NINL: variants seen among roughly 807,000 people sequenced by gnomAD.
NINL encodes ninein-like protein.
A neutral mutation model predicts 160.3 loss-of-function variants in NINL; 153 were observed. The observed-to-expected ratio is 0.95, with a 90% CI of 0.84 to 1.09. NINL has a LOEUF of 1.09. NINL is among the 50% of genes least tolerant of loss of function. The probability of loss-of-function intolerance (pLI) is 0.00; values close to 1 mark genes in which losing one functional copy is unlikely to be tolerated. For synonymous variants in NINL, 800 were observed against 734.8 expected (o/e 1.09, Z -1.43); for missense variants, 1,829 against 1,764.0 (o/e 1.04, Z -0.66).
rs538618050 is a variant in NINL, at chr20:25,492,958, C to T, written c.1311-1433G>A. 2.5e-3 allele frequency among the ~76,000 whole-genome samples: 374 copies of T among 152,098 alleles called. 1 individual carries two copies. Among genetic ancestry groups the T allele is most frequent in the Non-Finnish European group, 3.9e-3 (268 of 67,994 alleles). The stretch of plus-strand genomic sequence containing the variant: ...AATAATAAAAGCTACTTACAGAAAC[C>T]TACTCATAACTCCCATTGCTCATGG... On this transcript the variant is annotated intron_variant, in intron 10 of 23. Coordinates refer to ENST00000278886, the MANE Select transcript of NINL (RefSeq NM_025176.6).
intron 5 of NINL, 122 bp downstream of exon 5, chr20:25,510,552 C>A: frequency 1.1e-6 from 1 of 869,970 alleles, no homozygotes. Flanking sequence ...GGGACACAAC[C>A]CACCCCATGC....
intron 1 of NINL, among the ~76,000 whole-genome samples, chr20:25,564,526 C>T (rs1361238813): frequency 6.6e-6 from 1 of 152,170 alleles, no homozygotes; most frequent in Non-Finnish European, 1.5e-5. Flanking sequence ...CCATGTTGGT[C>T]AGGCTGGTCT....
At position 25,526,582 on chromosome 20, in the gene NINL, A is replaced by G. The variant is rs749721614; in HGVS notation, c.6T>C (p.Asp2=). Residue 2 remains aspartate (D), a synonymous_variant, in exon 2 of 24, where the codon GAT becomes GAC. Transcript: ENST00000278886. M[D]EEENHYVSQL... ...GCGAGACATAGTGGTTCTCTTCTTC[A>G]TCCATCCCATAGCAGGCTGGCAGTG... 1.4e-5 allele frequency: 23 copies of G among 1,613,726 alleles called. No individual in the cohort carries two copies. The highest frequency in any genetic ancestry group is 1.9e-5 in the Non-Finnish European group (23 of 1,179,656).
intron 3 of NINL, among the ~76,000 whole-genome samples, chr20:25,516,470 G>T (rs1443778796): frequency 6.6e-6 from 1 of 152,188 alleles, no homozygotes; most frequent in African/African-American, 2.4e-5. Flanking sequence ...CTGACAACAT[G>T]TCCCACAGGT....
rs778704079 is a variant in NINL, at chr20:25,509,643, C to T, written c.517+1031G>A. The T allele has an allele frequency of 6.6e-6, 3 of 456,612 alleles. No individual in the cohort carries two copies. In the East Asian group the frequency reaches 2.1e-4, roughly 32 times the overall value. The allele number at this position is 456,612 out of a possible 1,614,324, so 28.3% of individuals were successfully genotyped here. ...TAGTTCCTTAGAGCTCAGCGTCTGG[C>T]CACCACACTGATCCTCTCACACCCA... On this transcript the variant is annotated intron_variant, in intron 5 of 23. Transcript: ENST00000278886.
At chr20:25,557,602 A>T (rs1456784858) in intron 1 of NINL, among the ~76,000 whole-genome samples, 1 of 152,130 alleles carries the variant, frequency 6.6e-6, no homozygotes, top group Non-Finnish European at 1.5e-5. Context: ...TTATAGTGAT[A>T]ATTCAACACA....
At chr20:25,514,829 T>A (rs962381447) in intron 3 of NINL, among the ~76,000 whole-genome samples, 1 of 152,212 alleles carries the variant, frequency 6.6e-6, no homozygotes, top group Admixed American at 6.5e-5. Context: ...TAAGCCTTGG[T>A]GACTACCATG....
chr20:25,545,179 T>A (rs1392292069), intron 1 of NINL, among the ~76,000 whole-genome samples: 1 of 152,192 alleles, frequency 6.6e-6, no homozygotes, highest in African/African-American at 2.4e-5. Context: ...AGTAAGGGAA[T>A]GGTTCTATTC....
chr20:25,482,046 G>A lies in NINL; in HGVS notation c.1732C>T (p.Arg578Trp), dbSNP rs142777399. The change falls in exon 14 of 24, where the codon CGG (arginine) becomes TGG (tryptophan). Residue 578 changes from arginine to tryptophan, a missense_variant. Transcript: ENST00000278886. ...GGGCTGTGCCGGTTCTTGGGCAGCC[G>A]CGCCCACAGGCCTTCCAGCTCAGCT... is the stretch of plus-strand genomic sequence containing the variant. Reference protein sequence around the residue: ...LQAELEGLWARLPKNRHSPSW... With the variant: ...LQAELEGLWAWLPKNRHSPSW... The A allele has an allele frequency of 4.8e-5, 76 of 1,598,412 alleles. No homozygotes were observed. Among genetic ancestry groups the A allele is most frequent in the South Asian group, 1.9e-4 (17 of 91,042 alleles).
intron 1 of NINL, among the ~76,000 whole-genome samples, chr20:25,563,761 G>GA (rs764671706): frequency 1.8e-3 from 270 of 152,224 alleles, no homozygotes; most frequent in Non-Finnish European, 3.4e-3. Flanking sequence ...ATGGAGTAAA[G>GA]AAAATTACCA....
intron 1 of NINL, among the ~76,000 whole-genome samples, chr20:25,552,637 C>G (rs2064818829): frequency 6.6e-6 from 1 of 152,218 alleles, no homozygotes; most frequent in Non-Finnish European, 1.5e-5. Context: ...AGCATTTGGT[C>G]AAGCCCTGAA....
At position 25,453,589 on chromosome 20, in the gene NINL, G is replaced by A. The variant is rs367640910; in HGVS notation, c.4011C>T (p.Asn1337=). Residue 1337 remains asparagine, a synonymous_variant, in exon 24 of 24, where the codon AAC becomes AAT. Coordinates refer to ENST00000278886, the MANE Select transcript of NINL (RefSeq NM_025176.6). The stretch of plus-strand genomic sequence containing the variant: ...CCTGAAGTGCTCTCACCAGGTGGGC[G>A]TTCTCCACGTACAGCTCCTTCAGCA... ...DLLLKELYVE[N]AHLVRALQAT... The A allele has an allele frequency of 4.8e-5, 77 of 1,613,758 alleles. No individual in the cohort carries two copies. The African/African-American group carries it at 7.1e-4, about 15-fold the overall frequency.
intron 5 of NINL, among the ~76,000 whole-genome samples, chr20:25,508,132 T>C (rs1388250040): frequency 5.3e-5 from 8 of 152,232 alleles, no homozygotes; most frequent in Non-Finnish European, 1.2e-4. Flanking sequence ...ATCTGCCTGC[T>C]TTGTCCAGCA....
intron 1 of NINL, among the ~76,000 whole-genome samples, chr20:25,557,030 G>C (rs2064874863): frequency 6.6e-6 from 1 of 152,078 alleles, no homozygotes; most frequent in Non-Finnish European, 1.5e-5. Flanking sequence ...CAGGTACAGG[G>C]TTTCTTTTGG....
chr20:25,465,678 G>T (rs2062896214), intron 19 of NINL, among the ~76,000 whole-genome samples: 1 of 152,176 alleles, frequency 6.6e-6, no homozygotes, highest in African/African-American at 2.4e-5. Flanking sequence ...TCAACGCTGT[G>T]TTTGTCTGAA....
At chr20:25,579,107 G>T (rs750677636) in intron 1 of NINL, among the ~76,000 whole-genome samples, 3 of 152,168 alleles carry the variant, frequency 2.0e-5, no homozygotes, top group Non-Finnish European at 4.4e-5. Flanking sequence ...TCATCTTCTT[G>T]TTAAGGTAAA....
chr20:25,495,356 G>A (rs1024020211), intron 10 of NINL, among the ~76,000 whole-genome samples: 3 of 152,172 alleles, frequency 2.0e-5, no homozygotes, highest in Admixed American at 2.0e-4. Context: ...TCCCTGGAGG[G>A]TGCCACACCA....
At chr20:25,510,390 AC>A (rs1215083052) in intron 5 of NINL, among the ~76,000 whole-genome samples, 3 of 152,318 alleles carry the variant, frequency 2.0e-5, no homozygotes, top group Non-Finnish European at 4.4e-5. Flanking sequence ...TCACATCAGT[AC>A]TTGCAGACCA....
rs1026630565 is a variant in NINL, at chr20:25,462,505, C to G, written c.3460G>C (p.Val1154Leu). The change falls in exon 20 of 24, where the codon GTC (valine) becomes CTC (leucine). Residue 1154 changes from valine to leucine, a missense_variant. By Grantham distance (32) the Val-to-Leu change is conservative. Transcript: ENST00000278886. ...NYKDQLSQLN[V>L]RVLQLGQEAS... ...TCCTGTCCCAGTTGAAGAACCCTGA[C>G]ATTGAGCTGGGATAATTGATCCTTG... 2 of 1,614,058 alleles carry G rather than the reference C, an allele frequency of 1.2e-6. No individual in the cohort carries two copies. Among genetic ancestry groups the G allele is most frequent in the African/African-American group, 2.7e-5 (2 of 74,938 alleles).
Sources: allele counts gnomAD v4.1 joint callset (sites outside exome capture counted in the v4.1 genomes callset), GRCh38; gene constraint gnomAD v4.1.1; transcripts MANE v1.5; gene names NCBI Gene and HGNC (gene_info 2026-07-23, HGNC 2026-07-21).